GFRA1: variants seen among roughly 807,000 people sequenced by gnomAD.
GFRA1 encodes the protein GDNF family receptor alpha 1.
In GFRA1, 16 loss-of-function variants were observed where a neutral mutation model predicts 51.6. The observed-to-expected ratio is 0.31, with a 90% confidence interval of 0.21 to 0.47. The LOEUF (loss-of-function observed/expected upper bound fraction) is 0.47. GFRA1 is among the 20% of genes least tolerant of loss of function. The probability of loss-of-function intolerance (pLI) is 1.00; values close to 1 mark genes in which losing one functional copy is unlikely to be tolerated. For synonymous variants in GFRA1, 270 were observed against 241.3 expected, an observed-to-expected ratio of 1.12 and a Z score of -1.10; for missense variants, 530 against 594.3, an observed-to-expected ratio of 0.89 and a Z score of 1.13.
At chr10:116,077,804 G>A (rs368341696) in intron 9 of GFRA1, among the ~76,000 whole-genome samples, 3 of 152,298 alleles carry the variant, frequency 2.0e-5, no homozygotes, top group Admixed American at 2.0e-4. Flanking sequence ...GGCAGGCTGG[G>A]GGGGACAGCT....
intron 5 of GFRA1, among the ~76,000 whole-genome samples, chr10:116,197,313 G>C (rs1032704429): frequency 6.6e-6 from 1 of 152,090 alleles, no homozygotes; most frequent in East Asian, 1.9e-4. Flanking sequence ...CAGCTAGAAG[G>C]TGCCACCTCT....
At chr10:116,122,541 C>T (rs1957689994) in intron 6 of GFRA1, among the ~76,000 whole-genome samples, 1 of 152,208 alleles carries the variant, frequency 6.6e-6, no homozygotes, top group South Asian at 2.1e-4. Context: ...AAGTTCTCAA[C>T]TCCCAGCTAT....
chr10:116,143,676 CT>C (rs1958673060), intron 5 of GFRA1, among the ~76,000 whole-genome samples: 3 of 152,108 alleles, frequency 2.0e-5, no homozygotes, highest in Non-Finnish European at 4.4e-5. Flanking sequence ...CTCTCTCTCT[CT>C]CTCCCATGCA....
intron 6 of GFRA1, among the ~76,000 whole-genome samples, chr10:116,105,919 CA>C (rs1956989367): frequency 6.6e-6 from 1 of 152,150 alleles, no homozygotes; most frequent in Non-Finnish European, 1.5e-5. Context: ...CAGTTCATGG[CA>C]AAATGGACTT....
At chr10:116,234,780 C>T (rs1442037361) in intron 4 of GFRA1, among the ~76,000 whole-genome samples, 1 of 152,132 alleles carries the variant, frequency 6.6e-6, no homozygotes, top group Non-Finnish European at 1.5e-5. Flanking sequence ...TGTGTCCCTA[C>T]CCAAATCTCA....
At chr10:116,260,142 T>A (rs1234853442) in intron 4 of GFRA1, among the ~76,000 whole-genome samples, 1 of 152,224 alleles carries the variant, frequency 6.6e-6, no homozygotes, top group Non-Finnish European at 1.5e-5. Flanking sequence ...TGCTAATGCG[T>A]GGATGGGGCG....
intron 4 of GFRA1, among the ~76,000 whole-genome samples, chr10:116,263,467 G>A (rs1055055620): frequency 6.6e-6 from 1 of 152,168 alleles, no homozygotes; most frequent in Non-Finnish European, 1.5e-5. Flanking sequence ...TAAGGTGAAT[G>A]GCAGAGCTGG....
intron 5 of GFRA1, among the ~76,000 whole-genome samples, chr10:116,188,218 G>T (rs997684382): frequency 1.3e-5 from 2 of 152,142 alleles, no homozygotes; most frequent in Non-Finnish European, 2.9e-5. Context: ...TGTGGGATGG[G>T]GGGTCAACCC....
At chr10:116,159,717 C>T (rs772953920) in intron 5 of GFRA1, among the ~76,000 whole-genome samples, 2 of 152,146 alleles carry the variant, frequency 1.3e-5, no homozygotes, top group Admixed American at 6.5e-5. Flanking sequence ...TGGGAGACTG[C>T]GGCTGCACGG....
At chr10:116,244,951 A>G (rs1036671819) in intron 4 of GFRA1, among the ~76,000 whole-genome samples, 2 of 152,202 alleles carry the variant, frequency 1.3e-5, no homozygotes, top group Non-Finnish European at 2.9e-5. Flanking sequence ...GGGAAACCCT[A>G]AAGTATGAGA....
intron 5 of GFRA1, among the ~76,000 whole-genome samples, chr10:116,156,443 T>C (rs1359262066): frequency 6.6e-6 from 1 of 151,752 alleles, no homozygotes. Flanking sequence ...CCCCAAACAG[T>C]GTGGAGGCCT....
chr10:116,109,898 C>A (rs908465501), intron 6 of GFRA1, among the ~76,000 whole-genome samples: 2 of 152,142 alleles, frequency 1.3e-5, no homozygotes, highest in Admixed American at 1.3e-4. Context: ...CTCAGTCTCC[C>A]CCTGTATAAA....
At chr10:116,170,201 G>A (rs1589841629) in intron 5 of GFRA1, among the ~76,000 whole-genome samples, 1 of 152,296 alleles carries the variant, frequency 6.6e-6, no homozygotes, top group Non-Finnish European at 1.5e-5. Context: ...ATGGTTATCT[G>A]CTATGTGATG....
Position 116,097,004 on chromosome 10 carries a change from C to G in GFRA1, c.771-240G>C, listed in dbSNP as rs1369006876. On this transcript the variant is annotated intron_variant, in intron 6 of 10. Transcript: ENST00000355422. ...CCCCAGCCCTCGCCCACCTGTGTGT[C>G]TCTGTTTATTCAGAGAGAAGTCTTC... 2.0e-5 allele frequency among the ~76,000 whole-genome samples: 3 copies of G among 152,082 alleles called. No homozygotes were observed. The East Asian group carries it at 5.8e-4, about 29-fold the overall frequency.
At chr10:116,230,057 A>G (rs1206327306) in intron 4 of GFRA1, among the ~76,000 whole-genome samples, 1 of 152,122 alleles carries the variant, frequency 6.6e-6, no homozygotes, top group African/African-American at 2.4e-5. Context: ...TTACCATAGC[A>G]TCCATCCAAG....
intron 7 of GFRA1, 67 bp downstream of exon 7, chr10:116,096,588 G>A (rs878944762): frequency 5.4e-5 from 46 of 846,008 alleles, no homozygotes; most frequent in South Asian, 4.6e-4. Flanking sequence ...TCAGCAAGGC[G>A]CAATGGAAAG....
intron 5 of GFRA1, among the ~76,000 whole-genome samples, chr10:116,151,778 G>T (rs538360415): frequency 1.3e-5 from 2 of 152,278 alleles, no homozygotes; most frequent in Admixed American, 1.3e-4. Flanking sequence ...GTTTATTGAG[G>T]ATCGACTGTG....
At chr10:116,105,070 C>T (rs1956957031) in intron 6 of GFRA1, among the ~76,000 whole-genome samples, 1 of 152,194 alleles carries the variant, frequency 6.6e-6, no homozygotes, top group Non-Finnish European at 1.5e-5. Flanking sequence ...TCCATTCACA[C>T]AGAAAACCTA....
intron 4 of GFRA1, among the ~76,000 whole-genome samples, chr10:116,241,614 G>GATGAAC (rs1967386742): frequency 6.6e-6 from 1 of 152,164 alleles, no homozygotes; most frequent in Non-Finnish European, 1.5e-5. Flanking sequence ...AGGAAACAGA[G>GATGAAC]GTTCATCTGG....
Sources: gnomAD v4.1 joint callset for allele counts (sites outside exome capture counted in the v4.1 genomes callset) on GRCh38, gnomAD v4.1.1 for gene constraint, MANE v1.5 for transcripts, NCBI Gene and HGNC (gene_info 2026-07-23, HGNC 2026-07-21) for gene names.